AMZ1: variants seen among roughly 807,000 people sequenced by gnomAD.
AMZ1 encodes the protein archaemetzincin-1.
In AMZ1, 39 loss-of-function variants were observed where a neutral mutation model predicts 29.9. The ratio of observed to expected loss-of-function variants is 1.30; its 90% CI spans 1.01 to 1.70. The LOEUF (loss-of-function observed/expected upper bound fraction) is 1.70, where lower values mean the gene tolerates loss of function less well. Ranked by LOEUF, AMZ1 falls within the 40% of genes most tolerant of loss-of-function variation. The probability of loss-of-function intolerance (pLI) is 0.00; values close to 1 mark genes in which losing one functional copy is unlikely to be tolerated. For missense variants in AMZ1, 1,041 were observed against 680.6 expected, an observed-to-expected ratio of 1.53 and a Z score of -5.89; for synonymous variants, 458 against 304.0, an observed-to-expected ratio of 1.51 and a Z score of -5.27.
chr7:2,709,523 C>G, intron 5 of AMZ1, 117 bp from the exon 6 acceptor site: 3 of 1,451,076 alleles, frequency 2.1e-6, no homozygotes, highest in Non-Finnish European at 2.8e-6. Flanking sequence ...CCTGGACCAC[C>G]TCCCGGCCAT....
intron 4 of AMZ1, among the ~76,000 whole-genome samples, chr7:2,743,089 G>C (rs981342149): frequency 6.6e-6 from 1 of 152,206 alleles, no homozygotes; most frequent in African/African-American, 2.4e-5. Context: ...AAGGGGTAAG[G>C]TGGGAACACT....
intron 4 of AMZ1, 113 bp from the exon 5 acceptor site, chr7:2,708,962 G>T (rs1562371824): frequency 7.3e-6 from 10 of 1,364,748 alleles, no homozygotes; most frequent in Non-Finnish European, 9.9e-6. Context: ...CCCAGGACTG[G>T]TATGTCTTTG....
chr7:2,681,316 C>T (rs1185830094), intron 1 of AMZ1, among the ~76,000 whole-genome samples: 6 of 152,154 alleles, frequency 3.9e-5, no homozygotes, highest in Non-Finnish European at 5.9e-5. Flanking sequence ...TTGACCTCCC[C>T]GGCCTCTGGT....
At position 2,717,023 on chromosome 7, in the gene AMZ1, C is replaced by T. The variant is rs1789164520; in HGVS notation, c.*4145C>T. The stretch of plus-strand genomic sequence containing the variant: ...AGCAGGAAGAGAGTAAGAAGGCGCA[C>T]GGACGCGGGAGGCCTGCACCCTGAT... On this transcript the variant is annotated 3_prime_UTR_variant, in exon 7 of 7. Transcript: ENST00000683327. Among the ~76,000 whole-genome samples the T allele has an allele frequency of 6.6e-6, 1 of 152,202 alleles. No individual in the cohort carries two copies. Among genetic ancestry groups the T allele is most frequent in the African/African-American group, 2.4e-5 (1 of 41,450 alleles).
intron 4 of AMZ1, chr7:2,733,591 G>T: frequency 1.1e-6 from 1 of 947,062 alleles, no homozygotes; most frequent in Non-Finnish European, 1.7e-6. Context: ...AAGAGCAGTG[G>T]CATTTCGCCT....
chr7:2,729,039 A>T (rs1161544982), intron 4 of AMZ1: 2 of 152,428 alleles, frequency 1.3e-5, no homozygotes, highest in African/African-American at 2.4e-5. Flanking sequence ...CAGACTGTTT[A>T]AAGGAAAACA....
chr7:2,703,513 T>TAGA (rs58763056), intron 3 of AMZ1, among the ~76,000 whole-genome samples: 63,341 of 145,650 alleles, frequency 0.43, 13,413 homozygotes, highest in African/African-American at 0.53. Context: ...TACACGTGCC[T>TAGA]AGATCTCAAC....
downstream of AMZ1, among the ~76,000 whole-genome samples, chr7:2,721,730 A>AGAT (rs1789429786): frequency 6.8e-6 from 1 of 148,006 alleles, no homozygotes; most frequent in African/African-American, 2.5e-5. Flanking sequence ...AAAAAAAAAA[A>AGAT]GATAGCGGCG....
chr7:2,735,816 G>C (rs1023922083), intron 4 of AMZ1, among the ~76,000 whole-genome samples: 1 of 152,180 alleles, frequency 6.6e-6, no homozygotes, highest in African/African-American at 2.4e-5. Context: ...AAACAGCCCA[G>C]GGGGTCCGTG....
In AMZ1 at chr7:2,733,981, C is replaced by A. The variant is rs530006965; in HGVS notation, n.550+24165C>A. Among the ~76,000 whole-genome samples the A allele has an allele frequency of 2.6e-5, 4 of 152,352 alleles. No homozygotes were observed. In the East Asian group the frequency reaches 7.7e-4, roughly 29 times the overall value. On this transcript the variant is annotated intron_variant and non_coding_transcript_variant, in intron 4 of 4. Transcript: ENST00000489665. ...CGAAAAGGAGCATCTAGCAAAACATCTTCCAGTTTCTAGAAAGAGTCCATT... is the reference window on the plus strand; with the variant it reads ...CGAAAAGGAGCATCTAGCAAAACATATTCCAGTTTCTAGAAAGAGTCCATT...
Position 2,716,612 on chromosome 7 carries a change from A to C in AMZ1, c.*3734A>C, listed in dbSNP as rs778127803. On this transcript the variant is annotated 3_prime_UTR_variant, in exon 7 of 7. Coordinates refer to ENST00000683327, the MANE Select transcript of AMZ1 (RefSeq NM_001384743.1). The stretch of plus-strand genomic sequence containing the variant: ...GCTAGAACATTCCAGGGACACACCT[A>C]CACGCAGAGGGTCTCCATACAGTGC... The C allele has an allele frequency of 6.6e-6, 1 of 152,168 alleles. No individual in the cohort carries two copies. Among genetic ancestry groups the C allele is most frequent in the Non-Finnish European group, 1.5e-5 (1 of 68,006 alleles). 9.4% of individuals were successfully genotyped at this position (152,168 alleles called of 1,614,324 possible).
rs1326527879 is a variant in AMZ1, at chr7:2,719,017, T to TTC, written c.*6140_*6141insCT. Among the ~76,000 whole-genome samples, 1 of 98,926 alleles carries TTC rather than the reference T, an allele frequency of 1.0e-5. No homozygotes were observed. Among genetic ancestry groups the TTC allele is most frequent in the Non-Finnish European group, 2.1e-5 (1 of 46,794 alleles). 64.9% of individuals were successfully genotyped at this position (98,926 alleles called of 152,430 possible). On this transcript the variant is annotated 3_prime_UTR_variant, in exon 7 of 7. Coordinates refer to ENST00000683327, the MANE Select transcript of AMZ1 (RefSeq NM_001384743.1). ...CTGCAAGAACAGGCGACTTTTTTTTTTTTTTTTCCCCCCCATCTGAAGTGA... is the reference window on the plus strand; with the variant it reads ...CTGCAAGAACAGGCGACTTTTTTTTTTCTTTTTTTCCCCCCCATCTGAAGTGA...
chr7:2,750,512 A>G (rs1350733383), intron 4 of AMZ1, among the ~76,000 whole-genome samples: 2 of 152,256 alleles, frequency 1.3e-5, no homozygotes, highest in Non-Finnish European at 2.9e-5. Flanking sequence ...ACCTATGGTC[A>G]AGTTTAATTG....
In AMZ1 at chr7:2,702,732, G is replaced by A; in HGVS notation, c.315G>A (p.Glu105=). ...CTGCTCTCCCACCAGACCTGAGCGA[G>A]GAGCCGGTGGGAAGCTCCCTGCTGC... ...HIYLQPIDLS[E]EPVGSSLLHQ... Residue 105 remains glutamate, a synonymous_variant, in exon 3 of 7, where the codon GAG becomes GAA. Coordinates refer to ENST00000683327, the MANE Select transcript of AMZ1 (RefSeq NM_001384743.1). 2.0e-6 allele frequency: 3 copies of A among 1,535,640 alleles called. No homozygotes were observed. The highest frequency in any genetic ancestry group is 2.6e-6 in the Non-Finnish European group (3 of 1,143,158).
At chr7:2,682,724 C>T (rs1453704976) in intron 1 of AMZ1, among the ~76,000 whole-genome samples, 1 of 151,786 alleles carries the variant, frequency 6.6e-6, no homozygotes. Context: ...AGCCCCTTCA[C>T]CCCCCAGCCC....
Position 2,708,679 on chromosome 7 carries a change from C to G in AMZ1, c.564C>G (p.Ala188=), listed in dbSNP as rs150486929. 78 of 1,613,072 alleles carry G rather than the reference C, an allele frequency of 4.8e-5. No individual in the cohort carries two copies. Among genetic ancestry groups the G allele is most frequent in the Admixed American group, 6.7e-5 (4 of 59,998 alleles). ...TGTCTGACCTGTACCCCCATGAGGC[C>G]TGGAGCTTCACCTTCAGCAAGTTCC... ...LTLSDLYPHE[A]WSFTFSKFLP... is the part of the protein sequence containing the mutation. The change falls in exon 4 of 7, where the codon GCC becomes GCG. Residue 188 remains alanine (A), a synonymous_variant. Coordinates refer to ENST00000683327, the MANE Select transcript of AMZ1 (RefSeq NM_001384743.1).
intron 1 of AMZ1, among the ~76,000 whole-genome samples, chr7:2,695,407 A>T (rs1457909565): frequency 6.6e-6 from 1 of 152,044 alleles, no homozygotes; most frequent in Non-Finnish European, 1.5e-5. Context: ...GGTGATGGGA[A>T]CCATGATGCT....
At chr7:2,694,276 T>C (rs1206722775) in intron 1 of AMZ1, among the ~76,000 whole-genome samples, 1 of 152,186 alleles carries the variant, frequency 6.6e-6, no homozygotes, top group African/African-American at 2.4e-5. Context: ...CCGCTGGAGC[T>C]GGGACATGTC....
Position 2,700,850 on chromosome 7 carries a change from T to G in AMZ1, c.304+95T>G, listed in dbSNP as rs1029773426. On this transcript the variant is annotated intron_variant, in intron 2 of 6. Coordinates refer to ENST00000683327, the MANE Select transcript of AMZ1 (RefSeq NM_001384743.1). ...TCTGTGCATAGCCCCCAGGCAGGAC[T>G]GAAATGAGGGAAGAGGGTCCTGGGT... is the stretch of plus-strand genomic sequence containing the variant. The G allele has an allele frequency of 2.7e-6, 4 of 1,476,074 alleles. No individual in the cohort carries two copies. In the African/African-American group the frequency reaches 5.5e-5, roughly 20 times the overall value. The allele number at this position is 1,476,074 out of a possible 1,614,324, so 91.4% of individuals were successfully genotyped here. A position where few individuals can be genotyped will look rare whatever the true frequency, so the allele number is the denominator to read the frequency against.
Sources: gnomAD v4.1 joint callset for allele counts (sites outside exome capture counted in the v4.1 genomes callset) on GRCh38, gnomAD v4.1.1 for gene constraint, MANE v1.5 for transcripts, NCBI Gene and HGNC (gene_info 2026-07-23, HGNC 2026-07-21) for gene names.